The following CEP85L variants were observed in gnomAD, a reference collection of about 807,000 sequenced individuals.
CEP85L encodes the protein centrosomal protein 85L.
Under a neutral mutation model 100.3 loss-of-function variants are expected in CEP85L, and 60 were observed. The ratio of observed to expected loss-of-function variants is 0.60; its 90% CI spans 0.49 to 0.74. The LOEUF is 0.74. Among genes scored for constraint, CEP85L ranks in the 30% least tolerant of loss-of-function variants. CEP85L has a pLI of 0.00. For missense variants in CEP85L, 973 were observed against 936.2 expected, an observed-to-expected ratio of 1.04 and a Z score of -0.51; for synonymous variants, 319 against 322.7, an observed-to-expected ratio of 0.99 and a Z score of 0.12.
At chr6:118,613,654 G>A in intron 2 of CEP85L, among the ~76,000 whole-genome samples, 1 of 151,446 alleles carries the variant, frequency 6.6e-6, no homozygotes, top group African/African-American at 2.4e-5. Context: ...CTACTCGGGA[G>A]GCTGAGGAAG....
At chr6:118,699,932 T>C (rs1239220830) in intron 1 of CEP85L, among the ~76,000 whole-genome samples, 1 of 152,182 alleles carries the variant, frequency 6.6e-6, no homozygotes, top group Non-Finnish European at 1.5e-5. Context: ...TGACCTCAAG[T>C]GATCTGCCCG....
chr6:118,651,832 A>G (rs750727759), upstream of CEP85L: 84 of 983,902 alleles, frequency 8.5e-5, no homozygotes, highest in Middle Eastern at 5.2e-4. Flanking sequence ...AGTAGAGGGC[A>G]GCGACTTGGC....
chr6:118,677,463 A>G (rs2115439623), intron 1 of CEP85L, among the ~76,000 whole-genome samples: 1 of 152,222 alleles, frequency 6.6e-6, no homozygotes, highest in Non-Finnish European at 1.5e-5. Flanking sequence ...AGATCTGACA[A>G]TTTTAGCGCA....
chr6:118,596,676 C>T (rs1193379255), intron 2 of CEP85L, among the ~76,000 whole-genome samples: 1 of 151,380 alleles, frequency 6.6e-6, no homozygotes, highest in Non-Finnish European at 1.5e-5. Context: ...AAAAAAAAAA[C>T]AAGAGTACCT....
At chr6:118,684,012 CTCTTTGTTTGGTTT>C (rs1465007070) in intron 1 of CEP85L, among the ~76,000 whole-genome samples, 1 of 152,156 alleles carries the variant, frequency 6.6e-6, no homozygotes, top group Non-Finnish European at 1.5e-5. Flanking sequence ...ATAATATTTT[CTCTTTGTTTGGTTT>C]TCCCCAATGA....
intron 5 of CEP85L, among the ~76,000 whole-genome samples, chr6:118,500,474 A>G (rs2114658751): frequency 6.6e-6 from 1 of 152,386 alleles, no homozygotes; most frequent in East Asian, 1.9e-4. Flanking sequence ...CGAAGGATGC[A>G]GTCTCACAAG....
At chr6:118,524,818 A>G (rs1356344932) in intron 3 of CEP85L, among the ~76,000 whole-genome samples, 1 of 152,208 alleles carries the variant, frequency 6.6e-6, no homozygotes, top group Non-Finnish European at 1.5e-5. Context: ...AAACCTGCCC[A>G]GGGCTCATGT....
At chr6:118,531,599 T>C (rs149884189) in intron 3 of CEP85L, among the ~76,000 whole-genome samples, 7 of 152,090 alleles carry the variant, frequency 4.6e-5, no homozygotes, top group Admixed American at 3.3e-4. Flanking sequence ...GAGAAGATAT[T>C]TGCAAACTAT....
chr6:118,655,540 C>T (rs994690944), upstream of CEP85L, among the ~76,000 whole-genome samples: 1 of 152,202 alleles, frequency 6.6e-6, no homozygotes, highest in Non-Finnish European at 1.5e-5. Flanking sequence ...ACAAATTCTT[C>T]CCTCCCTGCC....
Position 118,476,136 on chromosome 6 carries a change from C to G in CEP85L, c.1914+3735G>C, listed in dbSNP as rs942861150. ...CTGTCTTCACTCGTACAACTCCCCC[C>G]CGCGACATAACTGATTTTTCAAGTT... is the stretch of plus-strand genomic sequence containing the variant. On this transcript the variant is annotated intron_variant, in intron 10 of 12. Coordinates refer to ENST00000368491, the MANE Select transcript of CEP85L (RefSeq NM_001042475.3). Among the ~76,000 whole-genome samples, 19 of 152,266 alleles carry G rather than the reference C, an allele frequency of 1.2e-4. 2 individuals are homozygous for G. Among genetic ancestry groups the G allele is most frequent in the Admixed American group, 7.2e-4 (11 of 15,292 alleles).
At chr6:118,609,412 C>G (rs754491301) in intron 2 of CEP85L, among the ~76,000 whole-genome samples, 2 of 151,976 alleles carry the variant, frequency 1.3e-5, no homozygotes, top group Non-Finnish European at 1.5e-5. Flanking sequence ...GTATTTATTA[C>G]CTTTATAAAT....
In CEP85L at chr6:118,502,801, C is replaced by T. The variant is rs35225683; in HGVS notation, c.1257+8497G>A. The T allele has an allele frequency of 2.6e-4, 161 of 625,358 alleles. No individual in the cohort carries two copies. The East Asian group carries it at 4.5e-3, about 18-fold the overall frequency. 38.7% of individuals were successfully genotyped at this position (625,358 alleles called of 1,614,324 possible). On this transcript the variant is annotated intron_variant, in intron 5 of 12. Coordinates refer to ENST00000368491, the MANE Select transcript of CEP85L (RefSeq NM_001042475.3). ...TACAACAAGTAACTCCAGGTGATAT[C>T]GTAAGCATGTATGGAGTTCAAAAAG...
At chr6:118,527,801 A>C (rs527588852) in intron 3 of CEP85L, among the ~76,000 whole-genome samples, 1 of 152,324 alleles carries the variant, frequency 6.6e-6, no homozygotes, top group African/African-American at 2.4e-5. Flanking sequence ...TTAAAAATAA[A>C]TATCTATTTT....
chr6:118,548,563 T>C (rs939391398), intron 3 of CEP85L, among the ~76,000 whole-genome samples: 9 of 152,102 alleles, frequency 5.9e-5, no homozygotes, highest in Non-Finnish European at 1.2e-4. Flanking sequence ...CTTATCCATT[T>C]AGTGACAGGA....
chr6:118,688,902 C>A (rs2798329), intron 1 of CEP85L, among the ~76,000 whole-genome samples: 102,942 of 152,076 alleles, frequency 0.68, 35,630 homozygotes, highest in Middle Eastern at 0.76. Context: ...GGACCACTTC[C>A]GGACCATGTT....
rs1441138651 is a variant in CEP85L, at chr6:118,632,520, C to T, written c.165G>A (p.Arg55=). 6.2e-7 allele frequency: 1 copy of T among 1,612,924 alleles called. No homozygotes were observed. Among genetic ancestry groups the T allele is most frequent in the African/African-American group, 1.3e-5 (1 of 74,920 alleles). Residue 55 remains arginine, a synonymous_variant, in exon 2 of 13, where the codon AGG becomes AGA. Transcript: ENST00000368491. ...CACTGTCAGAAGCTATACTGTGTCT[C>T]CTGATATGGTTATTTCGATGGTTAG... ...VPSNHRNNHI[R]RHSIASDSGD...
intron 2 of CEP85L, among the ~76,000 whole-genome samples, chr6:118,612,726 G>C (rs1449925207): frequency 1.5e-5 from 2 of 130,688 alleles, no homozygotes; most frequent in Non-Finnish European, 3.1e-5. Flanking sequence ...CTGCTAACAA[G>C]AACCTAGAAA....
chr6:118,604,044 C>G (rs1355643472), intron 2 of CEP85L, among the ~76,000 whole-genome samples: 1 of 152,182 alleles, frequency 6.6e-6, no homozygotes, highest in African/African-American at 2.4e-5. Flanking sequence ...TCCAATAACA[C>G]ATTTATGCAA....
chr6:118,470,467 T>TAA, intron 11 of CEP85L, 70 bp downstream of exon 11: 1 of 816,736 alleles, frequency 1.2e-6, no homozygotes, highest in Non-Finnish European at 1.9e-6. Context: ...AATGCTCTAT[T>TAA]AATATCTATA....
Sources: gnomAD v4.1 joint callset for allele counts (sites outside exome capture counted in the v4.1 genomes callset) on GRCh38, gnomAD v4.1.1 for gene constraint, MANE v1.5 for transcripts, NCBI Gene and HGNC (gene_info 2026-07-23, HGNC 2026-07-21) for gene names.